CADPS: variants seen among roughly 807,000 people sequenced by gnomAD.
CADPS encodes the protein calcium dependent secretion activator.
A neutral mutation model predicts 167.3 loss-of-function variants in CADPS; 57 were observed. That is an observed-to-expected ratio of 0.34 (90% CI 0.28 to 0.42). The LOEUF (loss-of-function observed/expected upper bound fraction) is 0.42. CADPS is among the 20% of genes least tolerant of loss of function. The pLI, the probability that CADPS is intolerant of heterozygous loss-of-function variation, is 1.00. For synonymous variants in CADPS, 676 were observed against 635.3 expected (o/e 1.06, Z -0.96); for missense variants, 1,414 against 1,738.1 (o/e 0.81, Z 3.32).
At chr3:62,867,334 C>G (rs2081889448) in intron 1 of CADPS, among the ~76,000 whole-genome samples, 1 of 152,000 alleles carries the variant, frequency 6.6e-6, no homozygotes, top group African/African-American at 2.4e-5. Context: ...CCCAAGACCC[C>G]TTTATCTGAG....
At position 62,651,895 on chromosome 3, in the gene CADPS, A is replaced by G. The variant is rs573351617; in HGVS notation, c.970-815T>C. 5.3e-5 allele frequency among the ~76,000 whole-genome samples: 8 copies of G among 151,454 alleles called. No individual in the cohort carries two copies. In the South Asian group the frequency reaches 1.5e-3, roughly 28 times the overall value. ...GAGAAGCAAGCCAAGTCAGTTTGAC[A>G]TTTTTATTTTTTTTTGCAAGTGACA... On this transcript the variant is annotated intron_variant, in intron 4 of 29. Transcript: ENST00000383710.
chr3:62,588,829 T>G (rs1274716204), intron 7 of CADPS, among the ~76,000 whole-genome samples: 1 of 152,128 alleles, frequency 6.6e-6, no homozygotes, highest in East Asian at 1.9e-4. Context: ...ATATAATGAT[T>G]TCAGGCACCA....
chr3:62,545,758 A>G (rs1445924563), intron 11 of CADPS, among the ~76,000 whole-genome samples: 1 of 152,146 alleles, frequency 6.6e-6, no homozygotes, highest in African/African-American at 2.4e-5. Context: ...TAAACTCACA[A>G]TTACTCCCAA....
rs201606265 is a variant in CADPS at position 62,504,952 on chromosome 3, T to A, written c.2600-5684A>T. Among the ~76,000 whole-genome samples, 15 of 152,258 alleles carry A rather than the reference T, an allele frequency of 9.9e-5. No homozygotes were observed. The East Asian group carries it at 2.5e-3, about 26-fold the overall frequency. ...TGAAATATCATATGAGAGATGAATATGATTGATGGAAACTCACTTATTACC... is the reference window on the plus strand; with the variant it reads ...TGAAATATCATATGAGAGATGAATAAGATTGATGGAAACTCACTTATTACC... On this transcript the variant is annotated intron_variant, in intron 17 of 29. Transcript: ENST00000383710.
At chr3:62,528,811 T>C (rs2072962806) in intron 13 of CADPS, among the ~76,000 whole-genome samples, 1 of 152,206 alleles carries the variant, frequency 6.6e-6, no homozygotes, top group Non-Finnish European at 1.5e-5. Context: ...GACTTTATCA[T>C]CTGCAAAATG....
chr3:62,427,793 A>G (rs1317723732), intron 28 of CADPS, among the ~76,000 whole-genome samples: 1 of 152,182 alleles, frequency 6.6e-6, no homozygotes, highest in Non-Finnish European at 1.5e-5. Flanking sequence ...TTAAAAGATG[A>G]TTTTAAAGAA....
At chr3:62,618,842 G>T in intron 6 of CADPS, among the ~76,000 whole-genome samples, 1 of 152,102 alleles carries the variant, frequency 6.6e-6, no homozygotes, top group Non-Finnish European at 1.5e-5. Flanking sequence ...TCATTTGTTG[G>T]CACCTAGAAG....
chr3:62,431,745 C>A (rs1223794297), intron 28 of CADPS, among the ~76,000 whole-genome samples: 3 of 151,604 alleles, frequency 2.0e-5, no homozygotes, highest in African/African-American at 7.3e-5. Context: ...ATTTTGGGGA[C>A]AAGTGGGTAA....
intron 1 of CADPS, among the ~76,000 whole-genome samples, chr3:62,769,438 G>T (rs1347237613): frequency 6.6e-6 from 1 of 151,946 alleles, no homozygotes; most frequent in East Asian, 1.9e-4. Context: ...CACCATGTTG[G>T]CCAGGCTGGT....
At chr3:62,492,041 G>T (rs185130267) in intron 20 of CADPS, among the ~76,000 whole-genome samples, 16 of 152,226 alleles carry the variant, frequency 1.1e-4, no homozygotes, top group South Asian at 2.1e-4. Context: ...ACAAAAAATG[G>T]ATACCTCTTC....
At chr3:62,844,653 T>G (rs993361981) in intron 1 of CADPS, among the ~76,000 whole-genome samples, 1 of 152,176 alleles carries the variant, frequency 6.6e-6, no homozygotes, top group East Asian at 1.9e-4. Context: ...TGTGAACTAT[T>G]TGAAGACCAA....
At chr3:62,464,300 G>A (rs2150356144) in intron 26 of CADPS, among the ~76,000 whole-genome samples, 1 of 152,312 alleles carries the variant, frequency 6.6e-6, no homozygotes, top group East Asian at 1.9e-4. Context: ...GGACAATAAT[G>A]TGCCATCCAC....
chr3:62,547,596 C>CA (rs2076695615), intron 11 of CADPS, among the ~76,000 whole-genome samples: 1 of 115,086 alleles, frequency 8.7e-6, no homozygotes, highest in African/African-American at 3.6e-5. Context: ...GCCCCCCCCC[C>CA]CCCGCAAATT....
intron 6 of CADPS, among the ~76,000 whole-genome samples, chr3:62,638,076 A>AG (rs2066658705): frequency 3.2e-5 from 1 of 31,370 alleles, no homozygotes; most frequent in African/African-American, 6.7e-5. Context: ...TGTTTTAAGC[A>AG]TTATATATAT....
chr3:62,568,749 T>A (rs1294729567), intron 9 of CADPS, among the ~76,000 whole-genome samples: 1 of 152,222 alleles, frequency 6.6e-6, no homozygotes, highest in South Asian at 2.1e-4. Flanking sequence ...TCCTATTGGT[T>A]CTGTCTCTCT....
At chr3:62,491,628 A>C in intron 20 of CADPS, 148 bp from the exon 21 acceptor site, 2 of 643,598 alleles carry the variant, frequency 3.1e-6, no homozygotes, top group African/African-American at 3.7e-5. Flanking sequence ...GCTTCTAAGG[A>C]AGCCAAAAAG....
At chr3:62,503,030 C>T (rs1018402958) in intron 17 of CADPS, among the ~76,000 whole-genome samples, 1 of 151,834 alleles carries the variant, frequency 6.6e-6, no homozygotes, top group African/African-American at 2.4e-5. Context: ...TTGACAAGGA[C>T]TCTTACCAGT....
In CADPS at chr3:62,399,105, T is replaced by A. The variant is rs547837529; in HGVS notation, c.*301A>T. 1 of 283,752 alleles carries A rather than the reference T, an allele frequency of 3.5e-6. No homozygotes were observed. The highest frequency in any genetic ancestry group is 4.7e-5 in the Admixed American group (1 of 21,290). 17.6% of individuals were successfully genotyped at this position (283,752 alleles called of 1,614,324 possible). On this transcript the variant is annotated 3_prime_UTR_variant, in exon 30 of 30. Coordinates refer to ENST00000383710, the MANE Select transcript of CADPS (RefSeq NM_003716.4). This position sits in a 1 kb window ranked among gnomAD's most constrained non-coding sequence, Gnocchi z 5.6. ...GCATACATAGTACATGAATGAAGCA[T>A]CATTGATCTTTGCTGATAACAGGGA...
At chr3:62,623,963 G>A (rs1304428980) in intron 6 of CADPS, among the ~76,000 whole-genome samples, 1 of 23,496 alleles carries the variant, frequency 4.3e-5, no homozygotes, top group East Asian at 0.071. Flanking sequence ...TTGTCACCAC[G>A]AGGGTGGGGG....
Sources: gnomAD v4.1 joint callset for allele counts (sites outside exome capture counted in the v4.1 genomes callset) on GRCh38, gnomAD v4.1.1 for gene constraint, Gnocchi (gnomAD v3.1) non-coding constraint, MANE v1.5 for transcripts, NCBI Gene and HGNC (gene_info 2026-07-23, HGNC 2026-07-21) for gene names.